The following PDZRN4 variants were observed in gnomAD, a reference collection of about 807,000 sequenced individuals.
PDZRN4 encodes the protein PDZ domain-containing RING finger protein 4.
PDZRN4 carries 70 observed loss-of-function variants against 99.0 expected under a neutral mutation model. The ratio of observed to expected loss-of-function variants is 0.71; its 90% CI spans 0.58 to 0.86. The LOEUF is 0.86. Ranked by LOEUF, PDZRN4 falls within the 40% of genes least tolerant of loss-of-function variation. PDZRN4 has a pLI of 0.00. For synonymous variants in PDZRN4, 551 were observed against 501.6 expected (o/e 1.10, Z -1.32); for missense variants, 1,474 against 1,331.2 (o/e 1.11, Z -1.67).
intron 3 of PDZRN4, among the ~76,000 whole-genome samples, chr12:41,265,823 T>C (rs1951272130): frequency 6.6e-6 from 1 of 152,034 alleles, no homozygotes. Context: ...AATATCAGGG[T>C]ACCATAAAAA....
intron 3 of PDZRN4, chr12:41,477,752 A>C: frequency 1.4e-6 from 1 of 711,856 alleles, no homozygotes; most frequent in South Asian, 1.5e-5. Context: ...CCAAATAAAA[A>C]TATCCTAGAA....
intron 3 of PDZRN4, among the ~76,000 whole-genome samples, chr12:41,444,505 C>T (rs1422659731): frequency 1.3e-5 from 2 of 152,118 alleles, no homozygotes; most frequent in Non-Finnish European, 2.9e-5. Context: ...ATTATAATCA[C>T]TATATTCTCA....
intron 3 of PDZRN4, among the ~76,000 whole-genome samples, chr12:41,373,132 A>G (rs1191779169): frequency 6.6e-6 from 1 of 152,156 alleles, no homozygotes; most frequent in African/African-American, 2.4e-5. Flanking sequence ...GGTCACAGAG[A>G]TCACATGCTT....
intron 5 of PDZRN4, among the ~76,000 whole-genome samples, chr12:41,533,324 G>A (rs1241977330): frequency 6.6e-6 from 1 of 151,832 alleles, no homozygotes; most frequent in Non-Finnish European, 1.5e-5. Flanking sequence ...ACAGGCGAGT[G>A]CCACCACACC....
intron 3 of PDZRN4, among the ~76,000 whole-genome samples, chr12:41,448,657 G>A (rs930460040): frequency 6.6e-6 from 1 of 152,156 alleles, no homozygotes; most frequent in Non-Finnish European, 1.5e-5. Flanking sequence ...ATTGTCTCCA[G>A]TATTCACTGA....
intron 3 of PDZRN4, among the ~76,000 whole-genome samples, chr12:41,361,397 C>G (rs1381142244): frequency 6.6e-6 from 1 of 151,934 alleles, no homozygotes; most frequent in Non-Finnish European, 1.5e-5. Flanking sequence ...TTAAGACATG[C>G]AGATAAAGAT....
At chr12:41,391,033 G>A (rs188507081) in intron 3 of PDZRN4, among the ~76,000 whole-genome samples, 18 of 152,210 alleles carry the variant, frequency 1.2e-4, no homozygotes, top group African/African-American at 3.1e-4. Flanking sequence ...AAATGTTCCC[G>A]GAGTATTACA....
At chr12:41,391,868 A>T (rs1244484248) in intron 3 of PDZRN4, among the ~76,000 whole-genome samples, 1 of 152,196 alleles carries the variant, frequency 6.6e-6, no homozygotes. Flanking sequence ...ATAGTCAAAA[A>T]TCAACAAGTG....
At chr12:41,475,961 G>A (rs1592075711) in intron 3 of PDZRN4, among the ~76,000 whole-genome samples, 1 of 152,046 alleles carries the variant, frequency 6.6e-6, no homozygotes, top group African/African-American at 2.4e-5. Context: ...TCAGCTCCTT[G>A]AGGATATTGT....
intron 4 of PDZRN4, among the ~76,000 whole-genome samples, chr12:41,509,236 G>A (rs1046685470): frequency 6.6e-6 from 1 of 152,042 alleles, no homozygotes; most frequent in Non-Finnish European, 1.5e-5. Context: ...TAATATTTGT[G>A]TATATGTCCT....
intron 3 of PDZRN4, among the ~76,000 whole-genome samples, chr12:41,232,356 A>G (rs1212367422): frequency 6.6e-6 from 1 of 152,086 alleles, no homozygotes; most frequent in Non-Finnish European, 1.5e-5. Flanking sequence ...TTCATGATAC[A>G]CTGAATGTGC....
At chr12:41,359,025 AC>A (rs1951947576) in intron 3 of PDZRN4, among the ~76,000 whole-genome samples, 1 of 152,014 alleles carries the variant, frequency 6.6e-6, no homozygotes, top group African/African-American at 2.4e-5. Context: ...GTTTAATGAT[AC>A]CACTTCAGCC....
intron 3 of PDZRN4, among the ~76,000 whole-genome samples, chr12:41,289,116 T>G (rs944271107): frequency 1.3e-5 from 2 of 152,138 alleles, no homozygotes; most frequent in Admixed American, 1.3e-4. Context: ...AAATGAATTC[T>G]GAACAAAACT....
intron 3 of PDZRN4, among the ~76,000 whole-genome samples, chr12:41,282,497 G>T (rs1368894722): frequency 6.6e-6 from 1 of 152,098 alleles, no homozygotes; most frequent in Non-Finnish European, 1.5e-5. Flanking sequence ...TTCGGGAGTT[G>T]AACTCAGCTC....
At chr12:41,256,716 G>A (rs1170819378) in intron 3 of PDZRN4, among the ~76,000 whole-genome samples, 2 of 152,114 alleles carry the variant, frequency 1.3e-5, no homozygotes, top group Admixed American at 6.5e-5. Flanking sequence ...TCATATCTAA[G>A]TGTCTACCTG....
chr12:41,418,029 G>GT (rs953776353), intron 3 of PDZRN4, among the ~76,000 whole-genome samples: 1 of 152,030 alleles, frequency 6.6e-6, no homozygotes, highest in African/African-American at 2.4e-5. Context: ...ATAATTACAG[G>GT]TTTGTATATT....
At chr12:41,466,102 A>G (rs1383052680) in intron 3 of PDZRN4, among the ~76,000 whole-genome samples, 1 of 152,170 alleles carries the variant, frequency 6.6e-6, no homozygotes, top group Non-Finnish European at 1.5e-5. Flanking sequence ...TTAATAAGCC[A>G]TATTAAATCC....
intron 3 of PDZRN4, among the ~76,000 whole-genome samples, chr12:41,337,341 C>T (rs1592017812): frequency 6.6e-6 from 1 of 152,024 alleles, no homozygotes; most frequent in Non-Finnish European, 1.5e-5. Flanking sequence ...CTTTCCTATA[C>T]CTGTCACGTC....
At chr12:41,195,637 T>A (rs1457122781) in intron 3 of PDZRN4, among the ~76,000 whole-genome samples, 1 of 152,128 alleles carries the variant, frequency 6.6e-6, no homozygotes, top group Non-Finnish European at 1.5e-5. Context: ...TCTAAAGAGG[T>A]CTCTTGTATC....
Sources: allele counts gnomAD v4.1 joint callset (sites outside exome capture counted in the v4.1 genomes callset), GRCh38; gene constraint gnomAD v4.1.1; transcripts MANE v1.5; gene names NCBI Gene and HGNC (gene_info 2026-07-23, HGNC 2026-07-21).